Variants in LRBA observed in about 807,000 individuals in gnomAD.
LRBA encodes the protein lipopolysaccharide-responsive and beige-like anchor protein.
LRBA carries 176 observed loss-of-function variants against 330.0 expected under a neutral mutation model. The observed-to-expected ratio is 0.53, with a 90% CI of 0.47 to 0.60. The LOEUF is 0.60. Ranked by LOEUF, LRBA falls within the 20% of genes least tolerant of loss-of-function variation. The pLI is 0.00. For missense variants in LRBA, 3,259 were observed against 3,444.8 expected, an observed-to-expected ratio of 0.95 and a Z score of 1.35; for synonymous variants, 1,230 against 1,193.0, an observed-to-expected ratio of 1.03 and a Z score of -0.64.
intron 33 of LRBA, among the ~76,000 whole-genome samples, chr4:150,804,456 A>G (rs1466073359): frequency 3.3e-5 from 5 of 152,214 alleles, no homozygotes; most frequent in Non-Finnish European, 7.3e-5. Context: ...TCAAATATAG[A>G]TATCTTAAAC....
chr4:150,452,341 T>C (rs1317586210), intron 44 of LRBA, among the ~76,000 whole-genome samples: 1 of 152,184 alleles, frequency 6.6e-6, no homozygotes. Context: ...CCAATTATGA[T>C]GAAGACTCTC....
chr4:150,464,107 A>G (rs1755136531), intron 44 of LRBA, among the ~76,000 whole-genome samples: 1 of 151,936 alleles, frequency 6.6e-6, no homozygotes, highest in Admixed American at 6.6e-5. Context: ...AATCCATCTT[A>G]GTACTCATCA....
At chr4:150,582,796 T>C (rs1337687525) in intron 40 of LRBA, 9 of 464,876 alleles carry the variant, frequency 1.9e-5, no homozygotes, top group African/African-American at 1.8e-4. Context: ...AAAATCACCT[T>C]TTCTCCCCTA....
intron 53 of LRBA, among the ~76,000 whole-genome samples, chr4:150,301,520 C>A (rs1374317474): frequency 6.6e-6 from 1 of 151,966 alleles, no homozygotes; most frequent in African/African-American, 2.4e-5. Context: ...CTATAATGTA[C>A]ATAATAAGAA....
intron 47 of LRBA, among the ~76,000 whole-genome samples, chr4:150,364,980 C>T (rs1047024745): frequency 1.3e-5 from 2 of 151,250 alleles, no homozygotes; most frequent in Admixed American, 6.6e-5. Flanking sequence ...AATATATATA[C>T]ACACACAGAG....
At chr4:150,932,968 A>T (rs1010141552) in intron 2 of LRBA, among the ~76,000 whole-genome samples, 3 of 152,148 alleles carry the variant, frequency 2.0e-5, no homozygotes, top group Non-Finnish European at 2.9e-5. Context: ...ATCTATCAAA[A>T]TTTTTTATTT....
intron 34 of LRBA, among the ~76,000 whole-genome samples, chr4:150,796,363 A>G (rs1450817091): frequency 6.6e-6 from 1 of 151,978 alleles, no homozygotes; most frequent in Non-Finnish European, 1.5e-5. Context: ...ATACATCTGG[A>G]GCTAATTCTA....
rs555066970 is a variant in LRBA, at chr4:150,443,685, C to T, written c.6781-6821G>A. On this transcript the variant is annotated intron_variant, in intron 44 of 56. Coordinates refer to ENST00000651943, the MANE Select transcript of LRBA (RefSeq NM_001364905.1). ...ACACAGGAAGGGGAACATCACACAC[C>T]GGCACCTGTTGTGGGGTGGGAGCAG... 2.4e-3 allele frequency among the ~76,000 whole-genome samples: 362 copies of T among 151,624 alleles called. 2 individuals carry two copies. The highest frequency in any genetic ancestry group is 3.4e-3 in the Middle Eastern group (1 of 294).
At chr4:150,638,394 C>A (rs1298732512) in intron 37 of LRBA, among the ~76,000 whole-genome samples, 3 of 152,078 alleles carry the variant, frequency 2.0e-5, no homozygotes, top group African/African-American at 7.2e-5. Context: ...TTCAGTGTAC[C>A]AACATTATAC....
chr4:150,655,036 T>G (rs1334873207), intron 37 of LRBA, among the ~76,000 whole-genome samples: 1 of 152,202 alleles, frequency 6.6e-6, no homozygotes, highest in East Asian at 1.9e-4. Context: ...CAGCATGATT[T>G]ATAATCCTTT....
chr4:150,541,238 C>G (rs1207418136), intron 40 of LRBA, among the ~76,000 whole-genome samples: 1 of 152,150 alleles, frequency 6.6e-6, no homozygotes, highest in Non-Finnish European at 1.5e-5. Flanking sequence ...GACCAAAGAG[C>G]ATGACTGAGC....
At chr4:150,879,127 T>C (rs1198701103) in intron 17 of LRBA, among the ~76,000 whole-genome samples, 2 of 151,932 alleles carry the variant, frequency 1.3e-5, no homozygotes, top group Non-Finnish European at 2.9e-5. Flanking sequence ...CCCAACAAAA[T>C]ACTAGCAAAC....
chr4:150,868,930 T>A (rs943586057), intron 20 of LRBA, among the ~76,000 whole-genome samples: 1 of 151,930 alleles, frequency 6.6e-6, no homozygotes, highest in African/African-American at 2.4e-5. Flanking sequence ...ACAGCAAGAC[T>A]CTGTCTCAAA....
At chr4:150,396,480 TCACACACACACA>T (rs10641158) in intron 47 of LRBA, among the ~76,000 whole-genome samples, 2 of 145,774 alleles carry the variant, frequency 1.4e-5, no homozygotes, top group African/African-American at 2.5e-5. Context: ...AAATCTCATC[TCACACACACACA>T]CACACACACA....
chr4:150,448,298 T>G lies in LRBA; in HGVS notation c.6781-11434A>C, dbSNP rs1455797844. Among the ~76,000 whole-genome samples the G allele has an allele frequency of 3.3e-5, 5 of 152,148 alleles. No homozygotes were observed. In the East Asian group the frequency reaches 9.6e-4, roughly 29 times the overall value. On this transcript the variant is annotated intron_variant, in intron 44 of 56. Transcript: ENST00000651943. ...ATGCAGTTCTACCTTCATATAAAAA[T>G]GTAGAAAGTATCAGGGAATGTTGCT...
rs1344236158 is a variant in LRBA at position 150,308,615 on chromosome 4, C to T, written c.7849+1614G>A. On this transcript the variant is annotated intron_variant, in intron 52 of 56. Transcript: ENST00000651943. Reference sequence around the variant, plus strand: ...TATCACAGGAGATGAAAGCTCCATGCGTGTTCTTGCCCCTGAAGACCTTCC... The same window carrying T: ...TATCACAGGAGATGAAAGCTCCATGTGTGTTCTTGCCCCTGAAGACCTTCC... Among the ~76,000 whole-genome samples, 8 of 152,090 alleles carry T rather than the reference C, an allele frequency of 5.3e-5. No individual in the cohort carries two copies. In the East Asian group the frequency reaches 5.8e-4, roughly 11 times the overall value.
At chr4:150,694,874 T>C (rs1170584022) in intron 36 of LRBA, among the ~76,000 whole-genome samples, 1 of 152,224 alleles carries the variant, frequency 6.6e-6, no homozygotes, top group Non-Finnish European at 1.5e-5. Context: ...TCTATTTTTT[T>C]GCTTCACACT....
At chr4:150,485,882 G>A (rs562830091) in intron 42 of LRBA, among the ~76,000 whole-genome samples, 1 of 151,778 alleles carries the variant, frequency 6.6e-6, no homozygotes, top group Non-Finnish European at 1.5e-5. Flanking sequence ...TACCTTTAAC[G>A]TATAAATGTA....
intron 2 of LRBA, among the ~76,000 whole-genome samples, chr4:150,995,942 A>G (rs1742584110): frequency 1.3e-5 from 2 of 152,132 alleles, no homozygotes; most frequent in African/African-American, 4.8e-5. Context: ...TTCCTTTTCT[A>G]TGAAGTAGGG....
Sources: gnomAD v4.1 joint callset for allele counts (sites outside exome capture counted in the v4.1 genomes callset) on GRCh38, gnomAD v4.1.1 for gene constraint, MANE v1.5 for transcripts, NCBI Gene and HGNC (gene_info 2026-07-23, HGNC 2026-07-21) for gene names.